Variants in GNAO1 observed in about 807,000 individuals in gnomAD.
The protein encoded by GNAO1 is G protein subunit alpha o1.
For synonymous variants in GNAO1, 164 were observed against 180.7 expected, an observed-to-expected ratio of 0.91 and a Z score of 0.74; for missense variants, 166 against 478.7, an observed-to-expected ratio of 0.35 and a Z score of 6.10.
Position 56,351,334 on chromosome 16 carries a change from G to C in GNAO1, c.724-50G>C. ...TCTCTCCTTCTCTTTCCCTGTCTCT[G>C]TGTCTCCCTCCCGCTGTCTGTCCTC... On this transcript the variant is annotated intron_variant, in intron 6 of 8. Transcript: ENST00000262493. This position sits in a 1 kb window ranked among gnomAD's most constrained non-coding sequence, Gnocchi z 6.1. 7.1e-7 allele frequency: 1 copy of C among 1,402,138 alleles called. No homozygotes were observed. Among genetic ancestry groups the C allele is most frequent in the South Asian group, 1.2e-5 (1 of 84,780 alleles). The allele number at this position is 1,402,138 out of a possible 1,614,324, so 86.9% of individuals were successfully genotyped here.
chr16:56,329,126 A>G (rs1596867981), intron 4 of GNAO1: 2 of 218,464 alleles, frequency 9.2e-6, no homozygotes, highest in East Asian at 1.0e-4. Context: ...TTGTTTTTTT[A>G]TAGGGAGCCC....
chr16:56,343,350 T>G (rs1374319180), intron 6 of GNAO1, among the ~76,000 whole-genome samples: 1 of 147,820 alleles, frequency 6.8e-6, no homozygotes, highest in Admixed American at 6.6e-5. Context: ...ATAATAATAA[T>G]AAGCCAGGTG....
intron 2 of GNAO1, among the ~76,000 whole-genome samples, chr16:56,252,474 C>T (rs142323861): frequency 2.4e-3 from 361 of 152,344 alleles, no homozygotes; most frequent in African/African-American, 8.3e-3. Flanking sequence ...TTCCAAGTAA[C>T]ACAGAAGCTC....
intron 2 of GNAO1, among the ~76,000 whole-genome samples, chr16:56,253,706 CAT>C (rs1357697500): frequency 1.6e-4 from 24 of 152,272 alleles, no homozygotes; most frequent in African/African-American, 4.8e-4. Flanking sequence ...TATGCACAGA[CAT>C]GTGTAGCCAG....
intron 4 of GNAO1, among the ~76,000 whole-genome samples, chr16:56,331,522 C>CTCAGGGT (rs1294862759): frequency 2.0e-5 from 3 of 152,174 alleles, no homozygotes; most frequent in African/African-American, 4.8e-5. Flanking sequence ...CCTCCTCCCA[C>CTCAGGGT]TCAGGGTTCA....
intron 2 of GNAO1, among the ~76,000 whole-genome samples, chr16:56,225,967 A>G (rs563935067): frequency 6.6e-6 from 1 of 152,012 alleles, no homozygotes; most frequent in South Asian, 2.1e-4. Flanking sequence ...AGGTGTGGGG[A>G]AAAAGCTTTC....
chr16:56,333,019 G>A (rs759480226), intron 4 of GNAO1, among the ~76,000 whole-genome samples: 31 of 152,128 alleles, frequency 2.0e-4, no homozygotes, highest in Non-Finnish European at 4.0e-4. Context: ...CTGCAGCCTC[G>A]GCTCTCTCAC....
intron 2 of GNAO1, among the ~76,000 whole-genome samples, chr16:56,249,210 A>C (rs1389454603): frequency 1.3e-5 from 2 of 152,180 alleles, no homozygotes; most frequent in African/African-American, 4.8e-5. Flanking sequence ...GTAACTGATA[A>C]AATGGAGGTG....
At chr16:56,232,141 A>C (rs914708246) in intron 2 of GNAO1, among the ~76,000 whole-genome samples, 1 of 152,074 alleles carries the variant, frequency 6.6e-6, no homozygotes, top group Admixed American at 6.5e-5. Flanking sequence ...TTCCTTTACT[A>C]TTGCTCATCT....
At chr16:56,300,034 T>TGCGC (rs768205548) in intron 3 of GNAO1, among the ~76,000 whole-genome samples, 1 of 95,090 alleles carries the variant, frequency 1.1e-5, no homozygotes, top group African/African-American at 5.0e-5. Context: ...TGTGTGTGTG[T>TGCGC]GTGCGCGCGC....
rs778669032 is a variant in GNAO1 at position 56,276,059 on chromosome 16, A to G, written c.290A>G (p.Asp97Gly). ...AMDTLGIEYG[D>G]KERKADAKMV... is the part of the protein sequence containing the mutation. The stretch of plus-strand genomic sequence containing the variant: ...GACACTTTGGGCATCGAATATGGTG[A>G]TAAGGAGAGAAAGGTAGGCCCCTGA... The change falls in exon 3 of 9, where the codon GAT becomes GGT. Residue 97 changes from aspartate to glycine, a missense_variant. By Grantham distance (94) the Asp-to-Gly change is moderately conservative. Transcript: ENST00000262493. 5 of 1,613,726 alleles carry G rather than the reference A, an allele frequency of 3.1e-6. No homozygotes were observed. The highest frequency in any genetic ancestry group is 4.2e-6 in the Non-Finnish European group (5 of 1,179,812).
intron 3 of GNAO1, among the ~76,000 whole-genome samples, chr16:56,289,139 A>C (rs2037205145): frequency 6.6e-6 from 1 of 152,182 alleles, no homozygotes; most frequent in Admixed American, 6.5e-5. Context: ...ATGTTCCCAC[A>C]GCCGCTGGGC....
At chr16:56,342,498 T>C (rs920696636) in intron 6 of GNAO1, among the ~76,000 whole-genome samples, 4 of 152,142 alleles carry the variant, frequency 2.6e-5, no homozygotes, top group Non-Finnish European at 5.9e-5. Context: ...CTTCCCAAAC[T>C]AGAAGCTTCT....
chr16:56,235,815 GGAGAT>G (rs752448169), intron 2 of GNAO1, among the ~76,000 whole-genome samples: 1 of 152,146 alleles, frequency 6.6e-6, no homozygotes, highest in Non-Finnish European at 1.5e-5. Flanking sequence ...GATTCTGGCA[GGAGAT>G]AAGATATTTA....
At chr16:56,310,828 G>A (rs1320376494) in intron 3 of GNAO1, among the ~76,000 whole-genome samples, 1 of 152,096 alleles carries the variant, frequency 6.6e-6, no homozygotes, top group African/African-American at 2.4e-5. Flanking sequence ...AGGTGTTCTT[G>A]GTGGGTGGGT....
At chr16:56,218,850 C>T (rs1234831793) in intron 2 of GNAO1, among the ~76,000 whole-genome samples, 4 of 152,212 alleles carry the variant, frequency 2.6e-5, no homozygotes, top group Admixed American at 6.5e-5. Context: ...TGTCACCTCA[C>T]GGAAGCCTTC....
At position 56,192,298 on chromosome 16, in the gene GNAO1, A is replaced by G. The variant is rs1354496522; in HGVS notation, c.63A>G (p.Lys21=). ...TCGAGCGGAGCAAGGCGATTGAGAA[A>G]AACCTCAAAGAGGATGGCATCAGCG... is the stretch of plus-strand genomic sequence containing the variant. ...AALERSKAIE[K]NLKEDGISAA... Residue 21 remains lysine, a synonymous_variant, in exon 1 of 9, where the codon AAA becomes AAG. Transcript: ENST00000262493. 1 of 1,612,104 alleles carries G rather than the reference A, an allele frequency of 6.2e-7. No homozygotes were observed. The highest frequency in any genetic ancestry group is 8.5e-7 in the Non-Finnish European group (1 of 1,179,148).
At chr16:56,235,470 A>G (rs1002786927) in intron 2 of GNAO1, 10 of 453,264 alleles carry the variant, frequency 2.2e-5, no homozygotes, top group South Asian at 9.3e-5. Context: ...GTGCCTGTCT[A>G]CCATTTCCCT....
rs1596786968 is a variant in GNAO1, at chr16:56,191,811, C to T, written c.-425C>T. 4.5e-6 allele frequency: 1 copy of T among 223,958 alleles called. No homozygotes were observed. Among genetic ancestry groups the T allele is most frequent in the East Asian group, 1.4e-4 (1 of 7,130 alleles). The allele number at this position is 223,958 out of a possible 1,614,324, so 13.9% of individuals were successfully genotyped here. ...CCGCCGCCGCCTCCTCCTCCTCCGG[C>T]AGCCGCGGCAGCAGGACCCACCCTG... On this transcript the variant is annotated 5_prime_UTR_variant, in exon 1 of 9. Transcript: ENST00000262493. This position sits in a 1 kb window ranked among gnomAD's most constrained non-coding sequence, Gnocchi z 4.7.
Sources: gnomAD v4.1 joint callset for allele counts (sites outside exome capture counted in the v4.1 genomes callset) on GRCh38, gnomAD v4.1.1 for gene constraint, Gnocchi (gnomAD v3.1) non-coding constraint, MANE v1.5 for transcripts, NCBI Gene and HGNC (gene_info 2026-07-23, HGNC 2026-07-21) for gene names.